The following ALCAM variants were observed in gnomAD, a reference collection of about 807,000 sequenced individuals.
ALCAM encodes the protein activated leukocyte cell adhesion molecule, also known as CD166 antigen.
A neutral mutation model predicts 70.9 loss-of-function variants in ALCAM; 30 were observed. That is an observed-to-expected ratio of 0.42 (90% confidence interval 0.32 to 0.57). The LOEUF is 0.57. Ranked by LOEUF, ALCAM falls within the 20% of genes least tolerant of loss-of-function variation. The pLI, the probability that ALCAM is intolerant of heterozygous loss-of-function variation, is 0.11. For missense variants in ALCAM, 591 were observed against 695.1 expected (o/e 0.85, Z 1.68); for synonymous variants, 249 against 242.5 (o/e 1.03, Z -0.25).
chr3:105,552,601 A>C lies in ALCAM; in HGVS notation c.1664+16A>C. ...AGAAGTCAAAGTGAGTTGTGGAAAAAAGATCTTCATCGTTCATTGACTTTC... is the reference window on the plus strand; with the variant it reads ...AGAAGTCAAAGTGAGTTGTGGAAAACAGATCTTCATCGTTCATTGACTTTC... On this transcript the variant is annotated intron_variant, in intron 14 of 15. Transcript: ENST00000306107. The C allele has an allele frequency of 6.2e-7, 1 of 1,610,834 alleles. No homozygotes were observed. The highest frequency in any genetic ancestry group is 1.1e-5 in the South Asian group (1 of 90,998).
At chr3:105,553,332 T>C (rs972632860) in intron 14 of ALCAM, among the ~76,000 whole-genome samples, 2 of 151,822 alleles carry the variant, frequency 1.3e-5, no homozygotes, top group African/African-American at 4.8e-5. Context: ...ATACCATTGA[T>C]AGGGGTGGGG....
intron 1 of ALCAM, among the ~76,000 whole-genome samples, chr3:105,459,760 C>T (rs1376502069): frequency 2.6e-5 from 4 of 152,008 alleles, no homozygotes; most frequent in African/African-American, 9.7e-5. Flanking sequence ...AAAATGATGA[C>T]ATCATTGCTG....
At chr3:105,380,430 A>G (rs2107332563) in intron 1 of ALCAM, among the ~76,000 whole-genome samples, 1 of 152,048 alleles carries the variant, frequency 6.6e-6, no homozygotes, top group South Asian at 2.1e-4. Context: ...TGTGACCCTG[A>G]CAATTCATTT....
In ALCAM at chr3:105,553,053, TTGAC is replaced by T. The variant is rs1423643935; in HGVS notation, c.1664+470_1664+473del. The stretch of plus-strand genomic sequence containing the variant: ...GTTATTACTCCCATATTCTAGTTAG[TTGAC>T]TTTGATCCATATAAGAGTCTATATC... On this transcript the variant is annotated intron_variant, in intron 14 of 15. Coordinates refer to ENST00000306107, the MANE Select transcript of ALCAM (RefSeq NM_001627.4). 1.1e-5 allele frequency: 11 copies of T among 997,802 alleles called. No homozygotes were observed. The African/African-American group carries it at 1.7e-4, about 16-fold the overall frequency. The allele number at this position is 997,802 out of a possible 1,614,324, so 61.8% of individuals were successfully genotyped here.
intron 1 of ALCAM, among the ~76,000 whole-genome samples, chr3:105,411,103 T>C (rs865813465): frequency 2.0e-5 from 3 of 152,158 alleles, no homozygotes; most frequent in Middle Eastern, 3.4e-3. Flanking sequence ...AATGCAGCTC[T>C]TACAACATGA....
At chr3:105,551,379 T>A (rs1202195367) in intron 12 of ALCAM, among the ~76,000 whole-genome samples, 1 of 151,630 alleles carries the variant, frequency 6.6e-6, no homozygotes, top group Non-Finnish European at 1.5e-5. Context: ...GGCCTTGCAG[T>A]GACTTTATCA....
intron 1 of ALCAM, among the ~76,000 whole-genome samples, chr3:105,468,254 C>T (rs1308137200): frequency 1.3e-5 from 2 of 151,188 alleles, no homozygotes; most frequent in South Asian, 2.1e-4. Flanking sequence ...AATAATTATA[C>T]AATATGTAAT....
intron 11 of ALCAM, 72 bp downstream of exon 11, chr3:105,547,595 A>G (rs1300804624): frequency 1.3e-6 from 2 of 1,540,046 alleles, no homozygotes; most frequent in Admixed American, 2.0e-5. Context: ...AACCTACCCT[A>G]TAGGTTGGTT....
At chr3:105,455,676 A>C (rs13077096) in intron 1 of ALCAM, among the ~76,000 whole-genome samples, 39,999 of 152,126 alleles carry the variant, frequency 0.26, 5,736 homozygotes, top group Admixed American at 0.45. Flanking sequence ...CTAGTGTGCC[A>C]TGTCAGTTTA....
rs762568720 is a variant in ALCAM, at chr3:105,374,219, C to T, written c.73+6738C>T. 3.9e-5 allele frequency among the ~76,000 whole-genome samples: 6 copies of T among 152,190 alleles called. No individual in the cohort carries two copies. In the South Asian group the frequency reaches 1.2e-3, roughly 32 times the overall value. On this transcript the variant is annotated intron_variant, in intron 1 of 15. Coordinates refer to ENST00000306107, the MANE Select transcript of ALCAM (RefSeq NM_001627.4). ...GACATGACTTGCCCAGTCTCCTTAG[C>T]AGGTATAGCTTTTTGTTGAGATAGA...
intron 14 of ALCAM, among the ~76,000 whole-genome samples, chr3:105,556,176 T>C (rs1486566124): frequency 1.3e-5 from 2 of 152,018 alleles, no homozygotes; most frequent in Non-Finnish European, 2.9e-5. Flanking sequence ...TATCTCATAG[T>C]ACAAGAACTA....
chr3:105,493,280 T>C (rs1462928023), intron 1 of ALCAM, among the ~76,000 whole-genome samples: 1 of 152,168 alleles, frequency 6.6e-6, no homozygotes, highest in Non-Finnish European at 1.5e-5. Context: ...GGTATGACCA[T>C]GCTTATGTCA....
intron 1 of ALCAM, among the ~76,000 whole-genome samples, chr3:105,391,875 A>G (rs1449165002): frequency 6.6e-6 from 1 of 151,964 alleles, no homozygotes; most frequent in African/African-American, 2.4e-5. Context: ...GATGAATTAC[A>G]TTGATTGTTT....
intron 2 of ALCAM, 94 bp downstream of exon 2, chr3:105,520,261 A>G (rs1378984316): frequency 1.3e-5 from 12 of 890,980 alleles, no homozygotes; most frequent in Non-Finnish European, 2.2e-5. Flanking sequence ...ATTAACCTAA[A>G]TGCAATATTA....
chr3:105,559,636 A>G (rs1311851414), intron 14 of ALCAM, among the ~76,000 whole-genome samples: 1 of 152,138 alleles, frequency 6.6e-6, no homozygotes, highest in Non-Finnish European at 1.5e-5. Context: ...AACATTCAGT[A>G]TATAGCAGTG....
intron 1 of ALCAM, among the ~76,000 whole-genome samples, chr3:105,475,438 G>C (rs779153403): frequency 3.3e-5 from 5 of 151,954 alleles, no homozygotes; most frequent in African/African-American, 4.8e-5. Context: ...CTGTTCATCT[G>C]CTTCAGTTGT....
chr3:105,567,840 A>G (rs1346829505), intron 14 of ALCAM, among the ~76,000 whole-genome samples: 4 of 151,966 alleles, frequency 2.6e-5, no homozygotes, highest in Non-Finnish European at 5.9e-5. Flanking sequence ...CTTTTTTACT[A>G]TATAATGGAT....
intron 1 of ALCAM, among the ~76,000 whole-genome samples, chr3:105,425,325 T>C (rs1001347188): frequency 6.6e-6 from 1 of 151,772 alleles, no homozygotes; most frequent in Admixed American, 6.6e-5. Context: ...GTGTATGTTA[T>C]ATACCTAGGC....
At chr3:105,519,793 C>G (rs1281632588) in intron 1 of ALCAM, among the ~76,000 whole-genome samples, 2 of 152,118 alleles carry the variant, frequency 1.3e-5, no homozygotes, top group Non-Finnish European at 2.9e-5. Flanking sequence ...GAATACACCA[C>G]TTACCTGTTC....
Sources: gnomAD v4.1 joint callset for allele counts (sites outside exome capture counted in the v4.1 genomes callset) on GRCh38, gnomAD v4.1.1 for gene constraint, MANE v1.5 for transcripts, NCBI Gene and HGNC (gene_info 2026-07-23, HGNC 2026-07-21) for gene names.